PEAR1: variants seen among roughly 807,000 people sequenced by gnomAD.
PEAR1 encodes the protein platelet endothelial aggregation receptor 1.
Under a neutral mutation model 131.2 loss-of-function variants are expected in PEAR1, and 113 were observed. The observed-to-expected ratio is 0.86, with a 90% CI of 0.74 to 1.01. PEAR1 has a LOEUF of 1.01. Ranked by LOEUF, PEAR1 falls within the 50% of genes least tolerant of loss-of-function variation. The probability of loss-of-function intolerance (pLI) is 0.00; values close to 1 mark genes in which losing one functional copy is unlikely to be tolerated. For missense variants in PEAR1, 1,408 were observed against 1,391.1 expected (o/e 1.01, Z -0.19); for synonymous variants, 565 against 523.3 (o/e 1.08, Z -1.09).
intron 15 of PEAR1, 89 bp downstream of exon 15, chr1:156,910,832 TA>T: frequency 6.4e-7 from 1 of 1,560,114 alleles, no homozygotes. Context: ...CTCCTGGGTA[TA>T]AAAGCCTCTG....
intron 12 of PEAR1, 32 bp downstream of exon 12, chr1:156,909,946 TGGGGA>T: frequency 6.2e-7 from 1 of 1,611,848 alleles, no homozygotes; most frequent in Non-Finnish European, 8.5e-7. Flanking sequence ...TGCCTGGGGG[TGGGGA>T]GGGCATGGCG....
At chr1:156,904,058 A>C in intron 2 of PEAR1, 31 bp downstream of exon 2, 1 of 1,562,674 alleles carries the variant, frequency 6.4e-7, no homozygotes, top group Non-Finnish European at 8.8e-7. Flanking sequence ...CCTTGAGGGC[A>C]CCAAGCCCTA....
intron 1 of PEAR1, among the ~76,000 whole-genome samples, chr1:156,896,718 T>C (rs752490799): frequency 2.0e-5 from 3 of 152,122 alleles, no homozygotes; most frequent in Non-Finnish European, 4.4e-5. Flanking sequence ...TGAGGGGGTG[T>C]TGGCCCTGGA....
Position 156,908,735 on chromosome 1 carries a change from C to A in PEAR1, c.1196C>A (p.Thr399Lys). 5.1e-6 allele frequency: 8 copies of A among 1,563,326 alleles called. No individual in the cohort carries two copies. Among genetic ancestry groups the A allele is most frequent in the Non-Finnish European group, 6.9e-6 (8 of 1,157,816 alleles). The change falls in exon 10 of 23, where the codon ACG becomes AAG. Residue 399 changes from threonine (T) to lysine (K), a missense_variant. By Grantham distance (78) the Thr-to-Lys change is moderately conservative. Transcript: ENST00000292357. This position sits in a 1 kb window ranked among gnomAD's most constrained non-coding sequence, Gnocchi z 4.2. ...TGCAACGAGAGCTGCCCGCAGGACACGCATGGGCCAGGGTGCCAGGAGCAC... is the reference window on the plus strand; with the variant it reads ...TGCAACGAGAGCTGCCCGCAGGACAAGCATGGGCCAGGGTGCCAGGAGCAC... Reference protein sequence around the residue: ...LHCNESCPQDTHGPGCQEHCL... With the variant: ...LHCNESCPQDKHGPGCQEHCL...
At position 156,913,253 on chromosome 1, in the gene PEAR1, T is replaced by C. The variant is rs1382116007; in HGVS notation, c.2482T>C (p.Cys828Arg). Residue 828 changes from cysteine to arginine, a missense_variant, in exon 19 of 23, where the codon TGC (cysteine) becomes CGC (arginine). Cys to Arg is a radical substitution (Grantham distance 180, BLOSUM62 -3). Coordinates refer to ENST00000292357, the MANE Select transcript of PEAR1 (RefSeq NM_001080471.3). ...CCCCAGCTACCACACCCTGTCGCAGTGCTCCCCAAACCCCCCACCCCCTAA... is the reference window on the plus strand; with the variant it reads ...CCCCAGCTACCACACCCTGTCGCAGCGCTCCCCAAACCCCCCACCCCCTAA... ...SNPSYHTLSQ[C>R]SPNPPPPNKV... The C allele has an allele frequency of 6.2e-7, 1 of 1,612,328 alleles. No homozygotes were observed. The highest frequency in any genetic ancestry group is 8.5e-7 in the Non-Finnish European group (1 of 1,179,090).
chr1:156,913,391 GTTCCAGGCCCGCTCT>G lies in PEAR1; in HGVS notation c.2515_2529del (p.Pro839_Phe843del), dbSNP rs147076416. The G allele has an allele frequency of 4.8e-3, 7,683 of 1,613,504 alleles. 328 individuals are homozygous for G. The African/African-American group carries it at 0.091, about 19-fold the overall frequency. ...TCCCTCCTGCACTGTCCCCTCTTAG[GTTCCAGGCCCGCTCT>G]TTGCCAGCCTGCAGAACCCTGAGCG... On this transcript the variant is annotated inframe_deletion and splice_region_variant, in exon 20 of 23. Transcript: ENST00000292357.
chr1:156,899,480 TTC>T (rs1411561867), intron 1 of PEAR1, among the ~76,000 whole-genome samples: 1 of 152,092 alleles, frequency 6.6e-6, no homozygotes, highest in Non-Finnish European at 1.5e-5. Flanking sequence ...CCCACTTCCT[TTC>T]TCTCTGTCAG....
chr1:156,910,312 G>A lies in PEAR1; in HGVS notation c.1757G>A (p.Gly586Asp), dbSNP rs768403893. ...AACACCTGCACCTGCAAGAATGGGG[G>A]CACCTGTCTCCCTGAGAATGGCAAC... ...CSNTCTCKNGGTCLPENGNCV... is the reference protein window; with the variant it reads ...CSNTCTCKNGDTCLPENGNCV... The change falls in exon 14 of 23, where the codon GGC becomes GAC. Residue 586 changes from glycine (G) to aspartate (D), a missense_variant. Coordinates refer to ENST00000292357, the MANE Select transcript of PEAR1 (RefSeq NM_001080471.3). 2.5e-6 allele frequency: 4 copies of A among 1,613,318 alleles called. No individual in the cohort carries two copies. The South Asian group carries it at 3.3e-5, about 13-fold the overall frequency.
chr1:156,913,973 G>C lies in PEAR1; in HGVS notation c.2835G>C (p.Glu945Asp). The C allele has an allele frequency of 6.2e-7, 1 of 1,613,950 alleles. No homozygotes were observed. The highest frequency in any genetic ancestry group is 8.5e-7 in the Non-Finnish European group (1 of 1,179,968). The change falls in exon 22 of 23, where the codon GAG (glutamate) becomes GAC (aspartate). Residue 945 changes from glutamate to aspartate, a missense_variant. Coordinates refer to ENST00000292357, the MANE Select transcript of PEAR1 (RefSeq NM_001080471.3). The part of the protein sequence containing the change: ...PGGPRESSYM[E>D]MKGPPSGSPP... ...GCCCCCGGGAGAGCAGCTACATGGA[G>C]ATGAAAGGCCCTCCCTCAGGATCTC... is the stretch of plus-strand genomic sequence containing the variant.
Position 156,914,898 on chromosome 1 carries a change from C to G in PEAR1, c.*100C>G. ...CCCCTGCCAGGAGCAGGGAGTGGAC[C>G]GGCAGGCTGTGAACATGAACAACGC... On this transcript the variant is annotated 3_prime_UTR_variant, in exon 23 of 23. Transcript: ENST00000292357. The G allele has an allele frequency of 7.3e-7, 1 of 1,367,664 alleles. No homozygotes were observed. Among genetic ancestry groups the G allele is most frequent in the Non-Finnish European group, 1.0e-6 (1 of 1,002,578 alleles). 84.7% of individuals were successfully genotyped at this position (1,367,664 alleles called of 1,614,324 possible). A position where few individuals can be genotyped will look rare whatever the true frequency, so the allele number is the denominator to read the frequency against.
rs1651846237 is a variant in PEAR1, at chr1:156,916,197, G to A, written c.*1399G>A. The A allele has an allele frequency of 6.6e-6, 1 of 152,198 alleles. No individual in the cohort carries two copies. The highest frequency in any genetic ancestry group is 2.4e-5 in the African/African-American group (1 of 41,436). 9.4% of individuals were successfully genotyped at this position (152,198 alleles called of 1,614,324 possible). A position where few individuals can be genotyped will look rare whatever the true frequency, so the allele number is the denominator to read the frequency against. On this transcript the variant is annotated 3_prime_UTR_variant, in exon 23 of 23. Transcript: ENST00000292357. ...AGAAAAGCAAAGCAGAGAAATTGAAGATTTGTGTCAACACTGCTTTAAGCA... is the reference window on the plus strand; with the variant it reads ...AGAAAAGCAAAGCAGAGAAATTGAAAATTTGTGTCAACACTGCTTTAAGCA...
chr1:156,913,457 A>T lies in PEAR1; in HGVS notation c.2578A>T (p.Asn860Tyr). ...GCCAGGTGGGGCCCAAGGGCATGAT[A>T]ACCACACCACCCTGCCTGCTGACTG... ...ERPGGAQGHD[N>Y]HTTLPADWKH... The change falls in exon 20 of 23, where the codon AAC becomes TAC. Residue 860 changes from asparagine (N) to tyrosine (Y), a missense_variant. Physicochemically the swap from Asn to Tyr is moderately radical, Grantham distance 143 (BLOSUM62 -2). Coordinates refer to ENST00000292357, the MANE Select transcript of PEAR1 (RefSeq NM_001080471.3). 6.2e-7 allele frequency: 1 copy of T among 1,613,682 alleles called. No individual in the cohort carries two copies. Among genetic ancestry groups the T allele is most frequent in the African/African-American group, 1.3e-5 (1 of 75,060 alleles).
chr1:156,913,228 C>A lies in PEAR1; in HGVS notation c.2457C>A (p.Asn819Lys), dbSNP rs1270750661. The A allele has an allele frequency of 2.5e-6, 4 of 1,613,664 alleles. No homozygotes were observed. Among genetic ancestry groups the A allele is most frequent in the East Asian group, 2.2e-5 (1 of 44,900 alleles). ...VPPSYSHYYS[N>K]PSYHTLSQCS... ...CGAGCTACAGTCACTACTACTCCAA[C>A]CCCAGCTACCACACCCTGTCGCAGT... The change falls in exon 19 of 23, where the codon AAC becomes AAA. Residue 819 changes from asparagine to lysine, a missense_variant. Transcript: ENST00000292357.
chr1:156,903,173 C>T (rs771852089), intron 1 of PEAR1, among the ~76,000 whole-genome samples: 4 of 152,146 alleles, frequency 2.6e-5, no homozygotes, highest in African/African-American at 7.2e-5. Context: ...TCTCTGGGCC[C>T]GTATGAGGTG....
chr1:156,910,457 C>A lies in PEAR1; in HGVS notation c.1825+77C>A, dbSNP rs535361390. 1.9e-6 allele frequency: 3 copies of A among 1,542,924 alleles called. No homozygotes were observed. The Admixed American group carries it at 5.6e-5, about 29-fold the overall frequency. ...TGTCAGCTGCCAGAGCACCCCTCCC[C>A]CCGCGCCCGCCGCCCACCTCTCCCA... On this transcript the variant is annotated intron_variant, in intron 14 of 22. Transcript: ENST00000292357.
chr1:156,904,709 C>T (rs1650038362), intron 2 of PEAR1, 39 bp from the exon 3 acceptor site: 2 of 1,566,840 alleles, frequency 1.3e-6, no homozygotes, highest in South Asian at 1.2e-5. Context: ...CTCAGGCCTC[C>T]TCCTGCCCTC....
intron 4 of PEAR1, 58 bp downstream of exon 4, chr1:156,905,482 C>T: frequency 2.0e-6 from 3 of 1,463,646 alleles, no homozygotes; most frequent in South Asian, 1.3e-5. Flanking sequence ...GGGAGCTTAG[C>T]CTACTCTTCT....
intron 11 of PEAR1, 121 bp from the exon 12 acceptor site, chr1:156,909,630 C>A (rs564153579): frequency 6.2e-5 from 69 of 1,114,644 alleles, no homozygotes; most frequent in Middle Eastern, 2.1e-4. Context: ...TGTATGGTGC[C>A]GTGAACACCC....
chr1:156,913,248 C>T lies in PEAR1; in HGVS notation c.2477C>T (p.Ser826Leu), dbSNP rs748455077. Residue 826 changes from serine to leucine, a missense_variant, in exon 19 of 23, where the codon TCG (serine) becomes TTG (leucine). Ser to Leu is a moderately radical substitution (Grantham distance 145). Transcript: ENST00000292357. ...YYSNPSYHTL[S>L]QCSPNPPPPN... ...TCCAACCCCAGCTACCACACCCTGT[C>T]GCAGTGCTCCCCAAACCCCCCACCC... 9 of 1,613,166 alleles carry T rather than the reference C, an allele frequency of 5.6e-6. No homozygotes were observed. The highest frequency in any genetic ancestry group is 4.4e-5 in the South Asian group (4 of 90,862).
Sources: allele counts gnomAD v4.1 joint callset (sites outside exome capture counted in the v4.1 genomes callset), GRCh38; gene constraint gnomAD v4.1.1; non-coding constraint Gnocchi (gnomAD v3.1); transcripts MANE v1.5; gene names NCBI Gene and HGNC (gene_info 2026-07-23, HGNC 2026-07-21).